Variants in PAM observed in about 807,000 individuals in gnomAD.
The protein encoded by PAM is peptidylglycine alpha-amidating monooxygenase.
Under a neutral mutation model 122.1 loss-of-function variants are expected in PAM, and 72 were observed. The ratio of observed to expected loss-of-function variants is 0.59; its 90% confidence interval spans 0.49 to 0.72. The LOEUF (loss-of-function observed/expected upper bound fraction) is 0.72, where lower values mean the gene tolerates loss of function less well. Ranked by LOEUF, PAM falls within the 30% of genes least tolerant of loss-of-function variation. The probability of loss-of-function intolerance (pLI) is 0.00; values close to 1 mark genes in which losing one functional copy is unlikely to be tolerated. For synonymous variants in PAM, 389 were observed against 404.4 expected, an observed-to-expected ratio of 0.96 and a Z score of 0.46; for missense variants, 1,106 against 1,183.7, an observed-to-expected ratio of 0.93 and a Z score of 0.96.
intron 16 of PAM, among the ~76,000 whole-genome samples, chr5:102,995,523 C>G (rs1257656216): frequency 1.3e-5 from 2 of 152,022 alleles, no homozygotes; most frequent in Non-Finnish European, 2.9e-5. Context: ...GTTTTTGAGA[C>G]TTGCATCAAG....
intron 14 of PAM, among the ~76,000 whole-genome samples, chr5:102,968,732 A>G (rs1356334950): frequency 6.6e-6 from 1 of 152,152 alleles, no homozygotes; most frequent in East Asian, 1.9e-4. Flanking sequence ...AATAGAAAAT[A>G]CCACCCAGAA....
chr5:103,007,585 A>C lies in PAM; in HGVS notation c.2143A>C (p.Thr715Pro). ...NGRIQCFKTD[T>P]KEFVREIKHS... ...TCGGATCCAGTGTTTTAAAACTGAC[A>C]CCAAAGAATTTGTGAGAGAGATTAA... The change falls in exon 20 of 26, where the codon ACC becomes CCC. Residue 715 changes from threonine to proline, a missense_variant. Around this residue, in one of 3 missense-constraint regions of PAM, gnomAD observed 333 missense variants for 335.6 expected, o/e 0.99. Coordinates refer to ENST00000438793, the MANE Select transcript of PAM (RefSeq NM_001177306.2). The C allele has an allele frequency of 1.9e-6, 3 of 1,613,832 alleles. No individual in the cohort carries two copies. The highest frequency in any genetic ancestry group is 2.5e-6 in the Non-Finnish European group (3 of 1,179,780).
chr5:102,947,013 G>A (rs886741057), intron 8 of PAM, 128 bp downstream of exon 8: 10 of 702,750 alleles, frequency 1.4e-5, no homozygotes, highest in East Asian at 2.7e-5. Flanking sequence ...CAACAAATAT[G>A]TATTGTCTCA....
intron 3 of PAM, among the ~76,000 whole-genome samples, chr5:102,874,343 G>A (rs1214767612): frequency 6.6e-6 from 1 of 152,092 alleles, no homozygotes. Flanking sequence ...TTTTGTAAAC[G>A]ACAAATTAAA....
At chr5:102,826,108 A>G (rs1191462189) in intron 1 of PAM, among the ~76,000 whole-genome samples, 1 of 152,194 alleles carries the variant, frequency 6.6e-6, no homozygotes, top group Non-Finnish European at 1.5e-5. Flanking sequence ...ATTACTTGCT[A>G]TTTTTACTAA....
At chr5:102,908,315 C>G (rs529510012) in intron 4 of PAM, among the ~76,000 whole-genome samples, 1 of 152,020 alleles carries the variant, frequency 6.6e-6, no homozygotes, top group South Asian at 2.1e-4. Flanking sequence ...GGGCTCTGTT[C>G]TGTTCCATTG....
In PAM at chr5:102,990,277, C is replaced by T. The variant is rs772448999; in HGVS notation, c.1489C>T (p.His497Tyr). 1 of 1,539,012 alleles carries T rather than the reference C, an allele frequency of 6.5e-7. No homozygotes were observed. Among genetic ancestry groups the T allele is most frequent in the South Asian group, 1.3e-5 (1 of 78,278 alleles). The change falls in exon 16 of 26, where the codon CAC (histidine) becomes TAC (tyrosine). Residue 497 changes from histidine (H) to tyrosine (Y), a missense_variant. Transcript: ENST00000438793. ...TGTGTGGATATATCTTTTAGATTTCCACATGGAAGAGGCACTGGATTGGCC... is the reference window on the plus strand; with the variant it reads ...TGTGTGGATATATCTTTTAGATTTCTACATGGAAGAGGCACTGGATTGGCC... ...TWEPEHTGDFHMEEALDWPGV... is the reference protein window; with the variant it reads ...TWEPEHTGDFYMEEALDWPGV...
chr5:102,805,129 A>ACT (rs1271322322), intron 1 of PAM, among the ~76,000 whole-genome samples: 10 of 131,912 alleles, frequency 7.6e-5, no homozygotes, highest in Non-Finnish European at 1.2e-4. Context: ...GGAGTGCAGT[A>ACT]GTGTGATCTC....
At chr5:102,780,756 T>TTTCTTTCTTTCC in intron 1 of PAM, among the ~76,000 whole-genome samples, 1 of 16,668 alleles carries the variant, frequency 6.0e-5, no homozygotes, top group South Asian at 1.9e-3. Flanking sequence ...TTTCTTTCTC[T>TTTCTTTCTTTCC]TTCTTTCTTT....
At chr5:102,761,124 T>C (rs1342209960) in intron 1 of PAM, among the ~76,000 whole-genome samples, 1 of 152,210 alleles carries the variant, frequency 6.6e-6, no homozygotes, top group Non-Finnish European at 1.5e-5. Flanking sequence ...TGTGCTGGTG[T>C]GGTCTCACAG....
intron 1 of PAM, among the ~76,000 whole-genome samples, chr5:102,803,184 AGG>A (rs1765306856): frequency 4.7e-5 from 1 of 21,262 alleles, no homozygotes; most frequent in African/African-American, 1.2e-4. Context: ...GAAGGAAGGA[AGG>A]AAGGAAGGAA....
chr5:102,874,201 A>G (rs751060749), intron 3 of PAM, among the ~76,000 whole-genome samples: 1 of 152,022 alleles, frequency 6.6e-6, no homozygotes, highest in Non-Finnish European at 1.5e-5. Context: ...TTCTATTTTG[A>G]GAGCTCAGGA....
chr5:102,995,849 A>G (rs1050562934), intron 16 of PAM, among the ~76,000 whole-genome samples: 2 of 152,048 alleles, frequency 1.3e-5, no homozygotes, highest in African/African-American at 4.8e-5. Context: ...TGTTTTTAAC[A>G]TAATATTAAG....
intron 12 of PAM, among the ~76,000 whole-genome samples, chr5:102,954,758 A>G (rs1760167498): frequency 6.6e-6 from 1 of 152,078 alleles, no homozygotes; most frequent in South Asian, 2.1e-4. Flanking sequence ...AATTAAGCTC[A>G]TTAAGTCAGC....
At chr5:103,005,060 C>A in intron 17 of PAM, 94 bp from the exon 18 acceptor site, 1 of 714,096 alleles carries the variant, frequency 1.4e-6, no homozygotes, top group Non-Finnish European at 2.6e-6. Context: ...CAATTTATAA[C>A]TTTGCATTGT....
chr5:102,816,264 A>C (rs908041687), intron 1 of PAM, among the ~76,000 whole-genome samples: 3 of 152,148 alleles, frequency 2.0e-5, no homozygotes, highest in African/African-American at 7.2e-5. Flanking sequence ...CTATTTTACC[A>C]CTGGACACAC....
At chr5:102,769,060 C>A (rs924867744) in intron 1 of PAM, among the ~76,000 whole-genome samples, 2 of 152,064 alleles carry the variant, frequency 1.3e-5, no homozygotes, top group African/African-American at 4.8e-5. Context: ...GGTGAGATGA[C>A]ATCTCATTGT....
intron 1 of PAM, among the ~76,000 whole-genome samples, chr5:102,834,229 CT>C: frequency 6.6e-6 from 1 of 152,182 alleles, no homozygotes; most frequent in South Asian, 2.1e-4. Flanking sequence ...TGAGTGTAAT[CT>C]TTCCCCCTTC....
At chr5:102,898,523 A>G (rs1329104419) in intron 3 of PAM, among the ~76,000 whole-genome samples, 1 of 151,692 alleles carries the variant, frequency 6.6e-6, no homozygotes, top group Non-Finnish European at 1.5e-5. Context: ...TCAGAGAAAC[A>G]TTGATCTGAG....
Sources: gnomAD v4.1 joint callset for allele counts (sites outside exome capture counted in the v4.1 genomes callset) on GRCh38, gnomAD v4.1.1 for gene constraint, gnomAD v4.1.1 regional missense constraint, MANE v1.5 for transcripts, NCBI Gene and HGNC (gene_info 2026-07-23, HGNC 2026-07-21) for gene names.